The following FAR2 variants were observed in gnomAD, a reference collection of about 807,000 sequenced individuals.
FAR2 encodes the protein fatty acyl-CoA reductase 2.
A neutral mutation model predicts 56.0 loss-of-function variants in FAR2; 19 were observed. The ratio of observed to expected loss-of-function variants is 0.34; its 90% CI spans 0.24 to 0.50. FAR2 has a LOEUF of 0.50. Ranked by LOEUF, FAR2 falls within the 20% of genes least tolerant of loss-of-function variation. The pLI, the probability that FAR2 is intolerant of heterozygous loss-of-function variation, is 0.98. For missense variants in FAR2, 508 were observed against 642.2 expected, an observed-to-expected ratio of 0.79 and a Z score of 2.26; for synonymous variants, 219 against 218.8, an observed-to-expected ratio of 1.00 and a Z score of -0.01.
chr12:29,241,445 T>C (rs1331666350), intron 1 of FAR2, among the ~76,000 whole-genome samples: 1 of 152,214 alleles, frequency 6.6e-6, no homozygotes, highest in Non-Finnish European at 1.5e-5. Flanking sequence ...TCATGGTTTC[T>C]GTTTTAGTGT....
At chr12:29,260,087 A>G (rs748679287) in intron 1 of FAR2, among the ~76,000 whole-genome samples, 35 of 152,316 alleles carry the variant, frequency 2.3e-4, no homozygotes, top group Non-Finnish European at 4.0e-4. Context: ...AATTAATGTA[A>G]TTATTTTATT....
chr12:29,296,717 T>TA (rs1385749919), intron 3 of FAR2, among the ~76,000 whole-genome samples: 1 of 152,242 alleles, frequency 6.6e-6, no homozygotes, highest in Non-Finnish European at 1.5e-5. Context: ...TGGCTGCCTA[T>TA]AGAAGCACCT....
chr12:29,228,326 T>A (rs1159181783), intron 1 of FAR2, among the ~76,000 whole-genome samples: 2 of 144,924 alleles, frequency 1.4e-5, no homozygotes, highest in African/African-American at 5.1e-5. Flanking sequence ...AATATTGGGG[T>A]GATACCTCTG....
At chr12:29,268,167 G>T (rs1369763011) in intron 1 of FAR2, among the ~76,000 whole-genome samples, 1 of 152,202 alleles carries the variant, frequency 6.6e-6, no homozygotes, top group Non-Finnish European at 1.5e-5. Flanking sequence ...GGAGAGCAGG[G>T]TGTTGACACT....
At chr12:29,250,841 C>A (rs535143837) in intron 1 of FAR2, among the ~76,000 whole-genome samples, 1 of 152,302 alleles carries the variant, frequency 6.6e-6, no homozygotes, top group African/African-American at 2.4e-5. Context: ...GGAGCCCCAG[C>A]ATCCTAGAGG....
chr12:29,317,255 A>G (rs181300997), intron 9 of FAR2, among the ~76,000 whole-genome samples: 19 of 152,354 alleles, frequency 1.2e-4, no homozygotes, highest in Non-Finnish European at 2.4e-4. Flanking sequence ...GTGATGGGTC[A>G]CAGTCAAAAG....
intron 2 of FAR2, among the ~76,000 whole-genome samples, chr12:29,289,431 T>C (rs1455326496): frequency 6.6e-6 from 1 of 152,074 alleles, no homozygotes; most frequent in East Asian, 1.9e-4. Flanking sequence ...GCCAAGAATA[T>C]ACACTGCAGA....
At chr12:29,159,089 C>T (rs77691022) in intron 1 of FAR2, among the ~76,000 whole-genome samples, 3,897 of 152,260 alleles carry the variant, frequency 0.026, 139 homozygotes, top group African/African-American at 0.081. Flanking sequence ...AATATTTGGC[C>T]GGTTGCAACT....
intron 1 of FAR2, among the ~76,000 whole-genome samples, chr12:29,208,711 GA>G (rs1334298858): frequency 6.6e-6 from 1 of 152,110 alleles, no homozygotes; most frequent in Admixed American, 6.5e-5. Context: ...TATAAAATAT[GA>G]GCTAATTAGA....
chr12:29,257,427 G>T (rs921115670), intron 1 of FAR2, among the ~76,000 whole-genome samples: 1 of 152,192 alleles, frequency 6.6e-6, no homozygotes, highest in Non-Finnish European at 1.5e-5. Context: ...GCAGGATGTG[G>T]GTGGGGCCAG....
At chr12:29,297,621 CCTCT>C (rs1309203435) in intron 4 of FAR2, among the ~76,000 whole-genome samples, 1 of 152,104 alleles carries the variant, frequency 6.6e-6, no homozygotes, top group Non-Finnish European at 1.5e-5. Context: ...AATTCCTTGC[CCTCT>C]CTGAGCCCCA....
chr12:29,330,045 T>C (rs931755607), intron 10 of FAR2, among the ~76,000 whole-genome samples: 3 of 145,964 alleles, frequency 2.1e-5, no homozygotes, highest in South Asian at 2.2e-4. Flanking sequence ...CTAAAGCAAA[T>C]ACATTTATGA....
intron 4 of FAR2, 75 bp from the exon 5 acceptor site, chr12:29,307,583 G>A (rs1486048272): frequency 3.5e-6 from 5 of 1,420,578 alleles, no homozygotes; most frequent in Admixed American, 2.3e-5. Context: ...AGTTTTGTTT[G>A]ATTGTGTCTC....
intron 10 of FAR2, among the ~76,000 whole-genome samples, chr12:29,326,537 C>A (rs1271223100): frequency 6.6e-6 from 1 of 152,178 alleles, no homozygotes; most frequent in Non-Finnish European, 1.5e-5. Context: ...AGCAACACAT[C>A]AAAAAGCTTA....
At chr12:29,242,327 C>T (rs541888766) in intron 1 of FAR2, among the ~76,000 whole-genome samples, 1 of 152,314 alleles carries the variant, frequency 6.6e-6, no homozygotes, top group East Asian at 1.9e-4. Context: ...TTACCCAGTC[C>T]TCTCAGTGAA....
intron 1 of FAR2, chr12:29,156,408 T>C (rs1289370929): frequency 2.0e-5 from 3 of 152,184 alleles, no homozygotes; most frequent in African/African-American, 7.2e-5. Context: ...TTGCTAACGC[T>C]ACATGCCCAT....
In FAR2 at chr12:29,313,790, GTTTA is replaced by G. The variant is rs1473555277; in HGVS notation, c.955+1843_955+1846del. Among the ~76,000 whole-genome samples, 4 of 148,726 alleles carry G rather than the reference GTTTA, an allele frequency of 2.7e-5. No individual in the cohort carries two copies. The East Asian group carries it at 7.7e-4, about 29-fold the overall frequency. ...AATAGTTGTGTGTCTTCTCCAAAGG[GTTTA>G]TTATTTTTTTCAAAGAACCAACTTC... is the stretch of plus-strand genomic sequence containing the variant. On this transcript the variant is annotated intron_variant, in intron 8 of 11. Transcript: ENST00000536681.
intron 1 of FAR2, among the ~76,000 whole-genome samples, chr12:29,185,450 A>G (rs1175926228): frequency 6.6e-6 from 1 of 152,276 alleles, no homozygotes. Context: ...GCAGGAGGAA[A>G]CAAGCACCAG....
chr12:29,208,680 G>C (rs149348815), intron 1 of FAR2, among the ~76,000 whole-genome samples: 1 of 152,156 alleles, frequency 6.6e-6, no homozygotes, highest in Non-Finnish European at 1.5e-5. Flanking sequence ...CTGTTGGCCA[G>C]TCTAGCTCTG....
Sources: allele counts gnomAD v4.1 joint callset (sites outside exome capture counted in the v4.1 genomes callset), GRCh38; gene constraint gnomAD v4.1.1; transcripts MANE v1.5; gene names NCBI Gene and HGNC (gene_info 2026-07-23, HGNC 2026-07-21).